TM6SF1: variants seen among roughly 807,000 people sequenced by gnomAD.
TM6SF1 encodes the protein transmembrane 6 superfamily member 1.
Under a neutral mutation model 47.1 loss-of-function variants are expected in TM6SF1, and 43 were observed. That is an observed-to-expected ratio of 0.91 (90% CI 0.72 to 1.18). TM6SF1 has a LOEUF of 1.18. Among genes scored for constraint, TM6SF1 ranks in the 50% most tolerant of loss-of-function variants. The probability of loss-of-function intolerance (pLI) is 0.00; values close to 1 mark genes in which losing one functional copy is unlikely to be tolerated. For missense variants in TM6SF1, 390 were observed against 449.0 expected (o/e 0.87, Z 1.19); for synonymous variants, 177 against 166.3 (o/e 1.06, Z -0.49).
chr15:83,126,686 T>A, intron 7 of TM6SF1, 69 bp from the exon 8 acceptor site: 1 of 1,294,346 alleles, frequency 7.7e-7, no homozygotes, highest in Non-Finnish European at 1.1e-6. Context: ...CTGGCACATT[T>A]AGCCTTATCA....
intron 9 of TM6SF1, chr15:83,135,170 G>A (rs929873484): frequency 6.6e-6 from 1 of 152,154 alleles, no homozygotes; most frequent in African/African-American, 2.4e-5. Context: ...TCAGGAATTT[G>A]TAAAAATGCA....
intron 9 of TM6SF1, chr15:83,132,550 A>G (rs1378787667): frequency 3.2e-5 from 4 of 124,588 alleles, no homozygotes; most frequent in Non-Finnish European, 6.5e-5. Context: ...AGTTTACTGA[A>G]GTAAATTTAT....
chr15:83,126,868 A>C (rs1225834222), intron 8 of TM6SF1, 21 bp downstream of exon 8: 2 of 1,573,380 alleles, frequency 1.3e-6, no homozygotes, highest in East Asian at 2.2e-5. Context: ...TATGAAGCCT[A>C]AGATTTTTCT....
At chr15:83,112,929 T>C in intron 2 of TM6SF1, 29 bp downstream of exon 2, 4 of 1,515,432 alleles carry the variant, frequency 2.6e-6, no homozygotes, top group South Asian at 1.1e-5. Context: ...AAATCTTTTG[T>C]ATCTGATTAA....
chr15:83,107,767 G>T lies in TM6SF1; in HGVS notation c.87G>T (p.Gln29His), dbSNP rs1235958071. ...ATGTCTTCAACCACCTGGCGGCCCA[G>T]CATGAGTGAGTGAGCCGGCGCGGCG... ...VTYVFNHLAA[Q>H]HDSWTIVGVA... The change falls in exon 1 of 10, where the codon CAG (glutamine) becomes CAT (histidine). Residue 29 changes from glutamine (Q) to histidine (H), a missense_variant. Coordinates refer to ENST00000322019, the MANE Select transcript of TM6SF1 (RefSeq NM_023003.5). The surrounding 1 kb of genome is among the most constrained non-coding windows in gnomAD (Gnocchi z 5.6). 1.3e-6 allele frequency: 2 copies of T among 1,580,596 alleles called. No homozygotes were observed. Among genetic ancestry groups the T allele is most frequent in the Non-Finnish European group, 1.7e-6 (2 of 1,165,030 alleles).
chr15:83,116,048 C>T (rs573189998), intron 3 of TM6SF1, 106 bp downstream of exon 3: 12 of 850,474 alleles, frequency 1.4e-5, no homozygotes, highest in East Asian at 2.5e-5. Flanking sequence ...AGGTACGCTA[C>T]GCAGGCTTTC....
At chr15:83,115,045 A>T (rs2034531404) in intron 2 of TM6SF1, 1 of 152,558 alleles carries the variant, frequency 6.6e-6, no homozygotes, top group Admixed American at 6.5e-5. Context: ...CATGTGGAAT[A>T]GGGTAACCAC....
intron 1 of TM6SF1, among the ~76,000 whole-genome samples, chr15:83,108,568 A>T (rs548430896): frequency 1.3e-4 from 20 of 152,314 alleles, no homozygotes; most frequent in African/African-American, 4.8e-4. Flanking sequence ...ACTCCACTGC[A>T]GGGATCACGG....
rs1231752285 is a variant in TM6SF1, at chr15:83,121,904, T to G, written c.399-17T>G. ...CAAACATACCAAGTCAAGATTTTTTTGTTGTTGTTGTTACAGGGAAACTTA... is the reference window on the plus strand; with the variant it reads ...CAAACATACCAAGTCAAGATTTTTTGGTTGTTGTTGTTACAGGGAAACTTA... On this transcript the variant is annotated splice_polypyrimidine_tract_variant and intron_variant, in intron 4 of 9. Transcript: ENST00000322019. The G allele has an allele frequency of 3.6e-5, 57 of 1,577,420 alleles. No homozygotes were observed. The highest frequency in any genetic ancestry group is 4.9e-5 in the Non-Finnish European group (57 of 1,162,566).
rs542309582 is a variant in TM6SF1, at chr15:83,119,796, T to C, written c.398+115T>C. The C allele has an allele frequency of 1.3e-3, 1,949 of 1,521,918 alleles. 16 individuals carry two copies. Among genetic ancestry groups the C allele is most frequent in the South Asian group, 6.9e-3 (554 of 79,960 alleles). The allele number at this position is 1,521,918 out of a possible 1,614,324, so 94.3% of individuals were successfully genotyped here. A position where few individuals can be genotyped will look rare whatever the true frequency, so the allele number is the denominator to read the frequency against. ...CAAGCAGGTATACTGGACATGAATA[T>C]AAGTTCCATGGGTGCACGTCAGACG... is the stretch of plus-strand genomic sequence containing the variant. On this transcript the variant is annotated intron_variant, in intron 4 of 9. Coordinates refer to ENST00000322019, the MANE Select transcript of TM6SF1 (RefSeq NM_023003.5).
chr15:83,127,345 C>G lies in TM6SF1; in HGVS notation c.802-13C>G. On this transcript the variant is annotated splice_polypyrimidine_tract_variant and intron_variant, in intron 8 of 9. Coordinates refer to ENST00000322019, the MANE Select transcript of TM6SF1 (RefSeq NM_023003.5). Reference sequence around the variant, plus strand: ...CCAATTTGCTGATGATGTTATTTCTCTGTTCAATACAGATGCTGGCATATA... The same window carrying G: ...CCAATTTGCTGATGATGTTATTTCTGTGTTCAATACAGATGCTGGCATATA... The G allele has an allele frequency of 1.3e-6, 2 of 1,577,004 alleles. No individual in the cohort carries two copies. The highest frequency in any genetic ancestry group is 1.7e-6 in the Non-Finnish European group (2 of 1,163,148).
intron 1 of TM6SF1, among the ~76,000 whole-genome samples, chr15:83,108,963 G>A (rs2033911086): frequency 6.6e-6 from 1 of 152,156 alleles, no homozygotes; most frequent in Non-Finnish European, 1.5e-5. Flanking sequence ...ATAGTGCATG[G>A]GGGACCCTGT....
intron 4 of TM6SF1, among the ~76,000 whole-genome samples, chr15:83,121,094 G>A (rs1460064661): frequency 1.3e-5 from 2 of 151,236 alleles, no homozygotes; most frequent in East Asian, 2.0e-4. Context: ...ATTTTGAGAC[G>A]GAGTCTCGCT....
intron 1 of TM6SF1, among the ~76,000 whole-genome samples, chr15:83,108,341 G>A (rs2033858126): frequency 6.6e-6 from 1 of 152,122 alleles, no homozygotes. Context: ...GGTGTGGTCT[G>A]GCCTCGGTTT....
At chr15:83,136,038 G>GT (rs1426276560) in intron 9 of TM6SF1, 2 of 153,174 alleles carry the variant, frequency 1.3e-5, no homozygotes, top group African/African-American at 4.8e-5. Flanking sequence ...AAAAATATTT[G>GT]TTTTTTAAAA....
intron 3 of TM6SF1, among the ~76,000 whole-genome samples, chr15:83,116,737 G>A (rs776255977): frequency 2.4e-4 from 37 of 152,282 alleles, no homozygotes; most frequent in Admixed American, 1.1e-3. Flanking sequence ...TGGAGGCAGC[G>A]CATGGGAAGT....
At chr15:83,136,250 C>A in intron 9 of TM6SF1, 1 of 373,528 alleles carries the variant, frequency 2.7e-6, no homozygotes. Flanking sequence ...TAAATAATAT[C>A]TACTTTATTT....
At chr15:83,113,237 T>TA in intron 2 of TM6SF1, 3 of 384,954 alleles carry the variant, frequency 7.8e-6, no homozygotes, top group African/African-American at 2.0e-5. Context: ...CTACTAGCAG[T>TA]CCCCCCCACT....
At chr15:83,121,818 T>C (rs1356679487) in intron 4 of TM6SF1, 103 bp from the exon 5 acceptor site, 5 of 830,294 alleles carry the variant, frequency 6.0e-6, no homozygotes, top group Non-Finnish European at 7.9e-6. Context: ...TTGATTGATG[T>C]ACTTTACTAG....
Sources: allele counts gnomAD v4.1 joint callset (sites outside exome capture counted in the v4.1 genomes callset), GRCh38; gene constraint gnomAD v4.1.1; non-coding constraint Gnocchi (gnomAD v3.1); transcripts MANE v1.5; gene names NCBI Gene and HGNC (gene_info 2026-07-23, HGNC 2026-07-21).